Variants in KCNV2 observed in about 807,000 individuals in gnomAD.
KCNV2 encodes the protein potassium voltage-gated channel modifier subfamily V member 2.
In KCNV2, 65 loss-of-function variants were observed where a neutral mutation model predicts 37.0. That is an observed-to-expected ratio of 1.76 (90% CI 1.44 to 2.16). The LOEUF (loss-of-function observed/expected upper bound fraction) is 2.16. KCNV2 is among the 30% of genes most tolerant of loss of function. The pLI is 0.00. For missense variants in KCNV2, 1,232 were observed against 766.7 expected, an observed-to-expected ratio of 1.61 and a Z score of -7.17; for synonymous variants, 518 against 328.6, an observed-to-expected ratio of 1.58 and a Z score of -6.23.
At position 2,729,779 on chromosome 9, in the gene KCNV2, G is replaced by A. The variant is rs1820038377; in HGVS notation, c.*52G>A. ...ATTCCATGAACTTCAAGGCTTCATT[G>A]CTCTTTTTTTAATCATTATGATTGG... On this transcript the variant is annotated 3_prime_UTR_variant, in exon 2 of 2. Transcript: ENST00000382082. 1 of 1,569,674 alleles carries A rather than the reference G, an allele frequency of 6.4e-7. No homozygotes were observed. The highest frequency in any genetic ancestry group is 8.8e-7 in the Non-Finnish European group (1 of 1,140,280).
chr9:2,718,995 C>G lies in KCNV2; in HGVS notation c.1256C>G (p.Ala419Gly), dbSNP rs543556674. Residue 419 changes from alanine to glycine, a missense_variant, in exon 1 of 2, where the codon GCC (alanine) becomes GGC (glycine). Transcript: ENST00000382082. ...QQVGCLLLFI[A>G]MGIFTFSAAV... ...GTGGGCTGCCTGCTGCTCTTCATCG[C>G]CATGGGCATCTTCACTTTCTCTGCG... is the stretch of plus-strand genomic sequence containing the variant. 3.7e-6 allele frequency: 6 copies of G among 1,612,520 alleles called. No homozygotes were observed. In the African/African-American group the frequency reaches 4.0e-5, roughly 11 times the overall value.
chr9:2,722,182 A>C (rs11792863), intron 1 of KCNV2, among the ~76,000 whole-genome samples: 1 of 140,018 alleles, frequency 7.1e-6, no homozygotes, highest in East Asian at 2.0e-4. Context: ...GTTATTTATA[A>C]ATAAAATAGA....
At chr9:2,721,656 G>A (rs1819871180) in intron 1 of KCNV2, among the ~76,000 whole-genome samples, 1 of 150,616 alleles carries the variant, frequency 6.6e-6, no homozygotes, top group South Asian at 2.1e-4. Context: ...ATACAGGGTA[G>A]GAGAAGAAAA....
Position 2,717,883 on chromosome 9 carries a change from G to C in KCNV2, c.144G>C (p.Glu48Asp). Residue 48 changes from glutamate (E) to aspartate (D), a missense_variant, in exon 1 of 2, where the codon GAG becomes GAC. Glu to Asp is a conservative substitution (Grantham distance 45). Coordinates refer to ENST00000382082, the MANE Select transcript of KCNV2 (RefSeq NM_133497.4). ...AGGCCAGCATCCACGGCTGGACAGA[G>C]GGCAACTATAACTACTACATCGAGG... ...GSQASIHGWT[E>D]GNYNYYIEED... 1 of 1,614,190 alleles carries C rather than the reference G, an allele frequency of 6.2e-7. No homozygotes were observed. Among genetic ancestry groups the C allele is most frequent in the Admixed American group, 1.7e-5 (1 of 60,024 alleles).
Position 2,718,907 on chromosome 9 carries a change from C to T in KCNV2, c.1168C>T (p.Leu390=), listed in dbSNP as rs1488223894. 3 of 1,608,918 alleles carry T rather than the reference C, an allele frequency of 1.9e-6. No individual in the cohort carries two copies. Among genetic ancestry groups the T allele is most frequent in the Admixed American group, 1.7e-5 (1 of 60,000 alleles). Residue 390 remains leucine, a synonymous_variant, in exon 1 of 2, where the codon CTG becomes TTG. Coordinates refer to ENST00000382082, the MANE Select transcript of KCNV2 (RefSeq NM_133497.4). ...CATGCGCATCTTCCGCATCCTCAAG[C>T]TGGCGCGCCACTCCACCGGACTGCG... ...RLMRIFRILK[L]ARHSTGLRAF...
intron 1 of KCNV2, among the ~76,000 whole-genome samples, chr9:2,724,721 G>A (rs1563798963): frequency 6.6e-6 from 1 of 152,232 alleles, no homozygotes; most frequent in East Asian, 1.9e-4. Flanking sequence ...GCAGAAACCA[G>A]AGGCAGGATT....
chr9:2,719,027 T>A lies in KCNV2; in HGVS notation c.1288T>A (p.Tyr430Asn). ...CATCTTCACTTTCTCTGCGGCTGTC[T>A]ACTCTGTGGAGCACGATGTGCCCAG... is the stretch of plus-strand genomic sequence containing the variant. The part of the protein sequence containing the change: ...MGIFTFSAAV[Y>N]SVEHDVPSTN... Residue 430 changes from tyrosine to asparagine, a missense_variant, in exon 1 of 2, where the codon TAC becomes AAC. Transcript: ENST00000382082. 2 of 1,613,032 alleles carry A rather than the reference T, an allele frequency of 1.2e-6. No homozygotes were observed. Among genetic ancestry groups the A allele is most frequent in the Non-Finnish European group, 1.7e-6 (2 of 1,180,036 alleles).
At chr9:2,725,670 T>G (rs1238263978) in intron 1 of KCNV2, among the ~76,000 whole-genome samples, 1 of 152,212 alleles carries the variant, frequency 6.6e-6, no homozygotes, top group Non-Finnish European at 1.5e-5. Context: ...AAGATCCATC[T>G]TCACCACCTC....
At chr9:2,722,140 TAAATTAGAAGTTATTTATAAATAAA>T (rs1819883232) in intron 1 of KCNV2, among the ~76,000 whole-genome samples, 1 of 139,650 alleles carries the variant, frequency 7.2e-6, no homozygotes, top group South Asian at 2.1e-4. Flanking sequence ...TATTTATAAA[TAAATTAGAAGTTATTTATAAATAAA>T]TTAGAAGTTA....
chr9:2,720,593 A>G (rs767046621), intron 1 of KCNV2: 2 of 152,238 alleles, frequency 1.3e-5, no homozygotes, highest in Non-Finnish European at 2.9e-5. Flanking sequence ...TCCCCAGCAA[A>G]TGACATTTAC....
At position 2,729,921 on chromosome 9, in the gene KCNV2, T is replaced by G; in HGVS notation, c.*194T>G. On this transcript the variant is annotated 3_prime_UTR_variant, in exon 2 of 2. Coordinates refer to ENST00000382082, the MANE Select transcript of KCNV2 (RefSeq NM_133497.4). ...AATGTCTCATAGTTGCTCTGTGTTG[T>G]GTGAAACATCTGACCTTCTCAATGA... The G allele has an allele frequency of 1.6e-6, 1 of 621,936 alleles. No homozygotes were observed. Among genetic ancestry groups the G allele is most frequent in the Non-Finnish European group, 2.8e-6 (1 of 354,922 alleles). 38.5% of individuals were successfully genotyped at this position (621,936 alleles called of 1,614,324 possible). A position where few individuals can be genotyped will look rare whatever the true frequency, so the allele number is the denominator to read the frequency against.
Position 2,718,832 on chromosome 9 carries a change from A to G in KCNV2, c.1093A>G (p.Thr365Ala). 3 of 1,609,796 alleles carry G rather than the reference A, an allele frequency of 1.9e-6. No homozygotes were observed. The highest frequency in any genetic ancestry group is 2.5e-6 in the Non-Finnish European group (3 of 1,179,910). Residue 365 changes from threonine to alanine, a missense_variant, in exon 1 of 2, where the codon ACG becomes GCG. Thr to Ala is a moderately conservative substitution (Grantham distance 58). Coordinates refer to ENST00000382082, the MANE Select transcript of KCNV2 (RefSeq NM_133497.4). ...GGGCGAGGGCCACCAACGCGGCCAG[A>G]CGGTGGGCAGCGTGGGTAAGGTGGG... ...FTGEGHQRGQ[T>A]VGSVGKVGQV... is the part of the protein sequence containing the mutation.
chr9:2,723,475 C>G (rs1819915059), intron 1 of KCNV2, among the ~76,000 whole-genome samples: 1 of 152,180 alleles, frequency 6.6e-6, no homozygotes, highest in South Asian at 2.1e-4. Context: ...AAACAAATCC[C>G]TCCTGGACAC....
At chr9:2,725,497 G>A (rs1819954235) in intron 1 of KCNV2, among the ~76,000 whole-genome samples, 1 of 152,194 alleles carries the variant, frequency 6.6e-6, no homozygotes, top group Non-Finnish European at 1.5e-5. Flanking sequence ...CCATCAAGGT[G>A]GATATGACCG....
chr9:2,722,290 GTTATTTATAAATTAGAAGTTAT>G (rs1819888653), intron 1 of KCNV2, among the ~76,000 whole-genome samples: 1 of 119,008 alleles, frequency 8.4e-6, no homozygotes, highest in African/African-American at 3.7e-5. Flanking sequence ...CAAATTAGAA[GTTATTTATAAATTAGAAGTTAT>G]TTATAAATAA....
In KCNV2 at chr9:2,717,960, A is replaced by C. The variant is rs749909517; in HGVS notation, c.221A>C (p.Glu74Ala). Residue 74 changes from glutamate (E) to alanine (A), a missense_variant, in exon 1 of 2, where the codon GAG becomes GCG. Physicochemically the swap from Glu to Ala is moderately radical, Grantham distance 107. Coordinates refer to ENST00000382082, the MANE Select transcript of KCNV2 (RefSeq NM_133497.4). The stretch of plus-strand genomic sequence containing the variant: ...CAGTGGAAGGACGACCTGGCAGAAG[A>C]GGACCAGCAGGCAGGGGAGGTCACC... ...EDQWKDDLAE[E>A]DQQAGEVTTA... 6.2e-7 allele frequency: 1 copy of C among 1,614,032 alleles called. No homozygotes were observed. The highest frequency in any genetic ancestry group is 1.3e-5 in the African/African-American group (1 of 74,918).
intron 1 of KCNV2, among the ~76,000 whole-genome samples, chr9:2,725,375 TTG>T (rs758097612): frequency 2.2e-4 from 33 of 152,348 alleles, no homozygotes; most frequent in Admixed American, 5.9e-4. Context: ...CCTTCAGAGT[TTG>T]TGACACATCC....
At chr9:2,722,879 A>G (rs1007589443) in intron 1 of KCNV2, among the ~76,000 whole-genome samples, 1 of 151,758 alleles carries the variant, frequency 6.6e-6, no homozygotes, top group Non-Finnish European at 1.5e-5. Flanking sequence ...CAGCAGCCAC[A>G]TGTCGATGGC....
rs947512932 is a variant in KCNV2, at chr9:2,730,003, G to A, written c.*276G>A. 13 of 413,218 alleles carry A rather than the reference G, an allele frequency of 3.1e-5. No individual in the cohort carries two copies. Among genetic ancestry groups the A allele is most frequent in the Non-Finnish European group, 4.4e-5 (10 of 228,670 alleles). 25.6% of individuals were successfully genotyped at this position (413,218 alleles called of 1,614,324 possible). ...GCTTAGATTTTTCTTGTAGCTTCTC[G>A]TGGCATCTAGCTCAATAAATATTTT... On this transcript the variant is annotated 3_prime_UTR_variant, in exon 2 of 2. Coordinates refer to ENST00000382082, the MANE Select transcript of KCNV2 (RefSeq NM_133497.4).
Sources: allele counts gnomAD v4.1 joint callset (sites outside exome capture counted in the v4.1 genomes callset), GRCh38; gene constraint gnomAD v4.1.1; transcripts MANE v1.5; gene names NCBI Gene and HGNC (gene_info 2026-07-23, HGNC 2026-07-21).